The following ULK4 variants were observed in gnomAD, a reference collection of about 807,000 sequenced individuals.
ULK4 encodes inactive serine/threonine-protein kinase ULK4.
Under a neutral mutation model 160.6 loss-of-function variants are expected in ULK4, and 133 were observed. The observed-to-expected ratio is 0.83, with a 90% CI of 0.72 to 0.96. ULK4 has a LOEUF of 0.96. ULK4 is among the 40% of genes least tolerant of loss of function. ULK4 has a pLI of 0.00. For missense variants in ULK4, 1,580 were observed against 1,499.5 expected (o/e 1.05, Z -0.89); for synonymous variants, 534 against 539.8 (o/e 0.99, Z 0.15).
At chr3:41,401,119 A>AG (rs2082170041) in intron 34 of ULK4, among the ~76,000 whole-genome samples, 2 of 145,388 alleles carry the variant, frequency 1.4e-5, no homozygotes, top group African/African-American at 2.7e-5. Context: ...TCTTTTGAAG[A>AG]GAAAAAAAAG....
At chr3:41,258,724 C>G (rs2078884221) in intron 35 of ULK4, among the ~76,000 whole-genome samples, 1 of 152,140 alleles carries the variant, frequency 6.6e-6, no homozygotes, top group Admixed American at 6.5e-5. Context: ...TCAGCCAAAC[C>G]TGGAGTGCCA....
At chr3:41,361,160 A>C (rs116946550) in intron 35 of ULK4, among the ~76,000 whole-genome samples, 349 of 152,242 alleles carry the variant, frequency 2.3e-3, no homozygotes, top group East Asian at 0.013. Flanking sequence ...AGGGAACAGC[A>C]GCCTTGTGGC....
chr3:41,881,530 G>A (rs1235182793), intron 17 of ULK4, among the ~76,000 whole-genome samples: 1 of 152,022 alleles, frequency 6.6e-6, no homozygotes. Flanking sequence ...ATGAAATAAA[G>A]AACTAAAAAG....
chr3:41,655,573 A>G (rs190822988), intron 30 of ULK4, among the ~76,000 whole-genome samples: 225 of 152,276 alleles, frequency 1.5e-3, no homozygotes, highest in African/African-American at 5.2e-3. Flanking sequence ...TAGGTGTAGC[A>G]GCATGCATCT....
intron 32 of ULK4, among the ~76,000 whole-genome samples, chr3:41,549,018 C>G (rs2086969161): frequency 1.3e-5 from 2 of 152,336 alleles, no homozygotes; most frequent in Middle Eastern, 3.4e-3. Flanking sequence ...ACTCAACCAA[C>G]ACTACAGATA....
At chr3:41,493,309 A>C (rs1224049786) in intron 32 of ULK4, among the ~76,000 whole-genome samples, 2 of 145,400 alleles carry the variant, frequency 1.4e-5, no homozygotes, top group African/African-American at 5.1e-5. Context: ...GAAACTGAAC[A>C]ACCTGCTCCT....
At chr3:41,655,902 A>G (rs2034919961) in intron 30 of ULK4, among the ~76,000 whole-genome samples, 1 of 152,212 alleles carries the variant, frequency 6.6e-6, no homozygotes, top group Admixed American at 6.5e-5. Context: ...ATAAAAGAAT[A>G]TGGCAAAGCC....
chr3:41,665,606 C>T (rs945392635), intron 29 of ULK4, among the ~76,000 whole-genome samples: 2 of 151,766 alleles, frequency 1.3e-5, no homozygotes, highest in Non-Finnish European at 2.9e-5. Flanking sequence ...ATAAAACATA[C>T]AGTATAATCA....
intron 35 of ULK4, among the ~76,000 whole-genome samples, chr3:41,271,758 C>T (rs888702023): frequency 3.9e-5 from 6 of 152,052 alleles, no homozygotes; most frequent in African/African-American, 1.4e-4. Flanking sequence ...TTTGTCTGAT[C>T]ACCTATTGAT....
At chr3:41,744,447 G>C (rs180962100) in intron 22 of ULK4, among the ~76,000 whole-genome samples, 14 of 152,052 alleles carry the variant, frequency 9.2e-5, no homozygotes, top group Non-Finnish European at 1.0e-4. Context: ...AAAATTATTA[G>C]AGACAAAGAT....
intron 30 of ULK4, among the ~76,000 whole-genome samples, chr3:41,656,003 G>A (rs1385586091): frequency 6.6e-6 from 1 of 152,136 alleles, no homozygotes; most frequent in Non-Finnish European, 1.5e-5. Flanking sequence ...TTGCACAACC[G>A]CTTTCCAAAG....
chr3:41,898,827 T>C (rs1205852670), intron 13 of ULK4, among the ~76,000 whole-genome samples: 2 of 152,276 alleles, frequency 1.3e-5, no homozygotes, highest in Non-Finnish European at 2.9e-5. Context: ...GGTAAGGCTC[T>C]ATGCCAAGTG....
intron 19 of ULK4, among the ~76,000 whole-genome samples, chr3:41,804,323 T>C (rs1400976300): frequency 2.0e-5 from 3 of 152,340 alleles, no homozygotes; most frequent in Non-Finnish European, 1.5e-5. Flanking sequence ...GCCCACTTTG[T>C]GATGGGGTTG....
intron 35 of ULK4, among the ~76,000 whole-genome samples, chr3:41,352,495 G>C (rs910054884): frequency 1.8e-4 from 27 of 152,112 alleles, no homozygotes; most frequent in African/African-American, 6.0e-4. Context: ...CCACTGCTGG[G>C]GGCCCCCTGT....
At chr3:41,585,425 C>T (rs2030718397) in intron 31 of ULK4, among the ~76,000 whole-genome samples, 1 of 152,150 alleles carries the variant, frequency 6.6e-6, no homozygotes, top group Admixed American at 6.5e-5. Flanking sequence ...AAATGAGATA[C>T]TCTTTTCAAC....
At chr3:41,269,671 T>C (rs571459355) in intron 35 of ULK4, among the ~76,000 whole-genome samples, 7 of 152,324 alleles carry the variant, frequency 4.6e-5, no homozygotes, top group East Asian at 3.9e-4. Flanking sequence ...CAAATTATTA[T>C]ATAGATTATC....
chr3:41,442,916 G>T (rs1192623313), intron 34 of ULK4, among the ~76,000 whole-genome samples: 1 of 152,162 alleles, frequency 6.6e-6, no homozygotes, highest in Non-Finnish European at 1.5e-5. Context: ...TTTGAATAGT[G>T]CTTCTCTTCT....
chr3:41,591,282 A>T (rs749117463), intron 31 of ULK4, among the ~76,000 whole-genome samples: 11 of 152,218 alleles, frequency 7.2e-5, no homozygotes, highest in Non-Finnish European at 1.3e-4. Context: ...CTTTTTCAGC[A>T]AACAAAAGTG....
chr3:41,321,941 C>T (rs564192976), intron 35 of ULK4, among the ~76,000 whole-genome samples: 3 of 145,006 alleles, frequency 2.1e-5, no homozygotes, highest in Non-Finnish European at 4.5e-5. Flanking sequence ...TCAAGTCAAA[C>T]CACACACTTG....
Sources: gnomAD v4.1 joint callset for allele counts (sites outside exome capture counted in the v4.1 genomes callset) on GRCh38, gnomAD v4.1.1 for gene constraint, MANE v1.5 for transcripts, NCBI Gene and HGNC (gene_info 2026-07-23, HGNC 2026-07-21) for gene names.